The following CXXC5 variants were observed in gnomAD, a reference collection of about 807,000 sequenced individuals.
The protein encoded by CXXC5 is CXXC-type zinc finger protein 5.
CXXC5 carries 2 observed loss-of-function variants against 17.6 expected under a neutral mutation model. The ratio of observed to expected loss-of-function variants is 0.11; its 90% confidence interval spans 0.05 to 0.36. The LOEUF (loss-of-function observed/expected upper bound fraction) is 0.36, where lower values mean the gene tolerates loss of function less well. Among genes scored for constraint, CXXC5 ranks in the 10% least tolerant of loss-of-function variants. The pLI, the probability that CXXC5 is intolerant of heterozygous loss-of-function variation, is 1.00. For missense variants in CXXC5, 343 were observed against 458.3 expected (o/e 0.75, Z 2.30); for synonymous variants, 171 against 193.0 (o/e 0.89, Z 0.94).
chr5:139,667,490 G>C (rs1756173867), intron 1 of CXXC5, among the ~76,000 whole-genome samples: 1 of 152,230 alleles, frequency 6.6e-6, no homozygotes, highest in South Asian at 2.1e-4. Context: ...AGATGGGTCA[G>C]TTAAGGCCCT....
In CXXC5 at chr5:139,670,734, T is replaced by C. The variant is rs1458563816; in HGVS notation, c.-160-9630T>C. On this transcript the variant is annotated intron_variant, in intron 1 of 2. Transcript: ENST00000302517. The surrounding 1 kb of genome is among the most constrained non-coding windows in gnomAD (Gnocchi z 4.2). ...CAGACTTGGGTCGCACACACATGCC[T>C]CCACTTTACCCTCAGGGAGGTCACA... Among the ~76,000 whole-genome samples, 1 of 152,164 alleles carries C rather than the reference T, an allele frequency of 6.6e-6. No individual in the cohort carries two copies. The highest frequency in any genetic ancestry group is 1.5e-5 in the Non-Finnish European group (1 of 68,032).
intron 1 of CXXC5, among the ~76,000 whole-genome samples, chr5:139,667,233 AG>A (rs1756157886): frequency 6.6e-6 from 1 of 152,170 alleles, no homozygotes; most frequent in Non-Finnish European, 1.5e-5. Flanking sequence ...ATGGGGTCAG[AG>A]GAGAGGCATT....
chr5:139,653,181 C>T (rs1217536725), intron 1 of CXXC5, among the ~76,000 whole-genome samples: 3 of 152,218 alleles, frequency 2.0e-5, no homozygotes, highest in African/African-American at 7.2e-5. Context: ...TGCCTGCCTG[C>T]TGGGAGTTTT....
intron 1 of CXXC5, among the ~76,000 whole-genome samples, chr5:139,652,171 C>T (rs28473728): frequency 0.62 from 71,427 of 114,310 alleles, 20,173 homozygotes; most frequent in African/African-American, 0.77. Context: ...CGCGCGCGCG[C>T]GTGTGTGTGT....
At chr5:139,649,402 C>G (rs1755041146) in intron 1 of CXXC5, 1 of 152,248 alleles carries the variant, frequency 6.6e-6, no homozygotes, top group Non-Finnish European at 1.5e-5. Context: ...GCGCACTCCC[C>G]CCATCAGACC....
rs1429674458 is a variant in CXXC5 at position 139,658,971 on chromosome 5, A to G, written c.-161+10126A>G. Among the ~76,000 whole-genome samples the G allele has an allele frequency of 1.3e-5, 2 of 152,162 alleles. No homozygotes were observed. Among genetic ancestry groups the G allele is most frequent in the African/African-American group, 2.4e-5 (1 of 41,432 alleles). On this transcript the variant is annotated intron_variant, in intron 1 of 2. Coordinates refer to ENST00000302517, the MANE Select transcript of CXXC5 (RefSeq NM_016463.9). The surrounding 1 kb of genome is among the most constrained non-coding windows in gnomAD (Gnocchi z 4.1). ...GCCTCCAGAAGCCTGGGAGGGCTCA[A>G]TTGACTCCTGAGGCAGAAAGTGTGG... is the stretch of plus-strand genomic sequence containing the variant.
intron 1 of CXXC5, among the ~76,000 whole-genome samples, chr5:139,665,343 G>A (rs921440836): frequency 6.6e-6 from 1 of 152,256 alleles, no homozygotes; most frequent in Non-Finnish European, 1.5e-5. Context: ...TGGTTTAGGG[G>A]CACCGGGGTG....
rs755174634 is a variant in CXXC5 at position 139,681,331 on chromosome 5, C to T, written c.808C>T (p.Arg270Trp). ...RKRCGMCAPC[R>W]RRINCEQCSS... ...ACGCTGCGGCATGTGCGCGCCCTGC[C>T]GGCGGCGCATCAACTGCGAGCAGTG... The change falls in exon 2 of 3, where the codon CGG (arginine) becomes TGG (tryptophan). Residue 270 changes from arginine (R) to tryptophan (W), a missense_variant. Coordinates refer to ENST00000302517, the MANE Select transcript of CXXC5 (RefSeq NM_016463.9). 2 of 1,612,550 alleles carry T rather than the reference C, an allele frequency of 1.2e-6. No homozygotes were observed. The highest frequency in any genetic ancestry group is 8.5e-7 in the Non-Finnish European group (1 of 1,179,684).
Position 139,668,701 on chromosome 5 carries a change from T to C in CXXC5, c.-160-11663T>C, listed in dbSNP as rs1231310247. ...ATGCCGGGGTACCTGGCTTGGAGGC[T>C]CTCTTCAGTCTCGGGAGAGATATGC... On this transcript the variant is annotated intron_variant, in intron 1 of 2. Coordinates refer to ENST00000302517, the MANE Select transcript of CXXC5 (RefSeq NM_016463.9). This position sits in a 1 kb window ranked among gnomAD's most constrained non-coding sequence, Gnocchi z 4.1. 3.4e-4 allele frequency among the ~76,000 whole-genome samples: 52 copies of C among 151,946 alleles called. No homozygotes were observed. The highest frequency in any genetic ancestry group is 7.4e-5 in the Non-Finnish European group (5 of 67,982).
At position 139,658,967 on chromosome 5, in the gene CXXC5, C is replaced by T. The variant is rs899429819; in HGVS notation, c.-161+10122C>T. ...TAATGCCTCCAGAAGCCTGGGAGGG[C>T]TCAATTGACTCCTGAGGCAGAAAGT... is the stretch of plus-strand genomic sequence containing the variant. On this transcript the variant is annotated intron_variant, in intron 1 of 2. Transcript: ENST00000302517. This position sits in a 1 kb window ranked among gnomAD's most constrained non-coding sequence, Gnocchi z 4.1. 6.6e-6 allele frequency among the ~76,000 whole-genome samples: 1 copy of T among 152,112 alleles called. No individual in the cohort carries two copies. Among genetic ancestry groups the T allele is most frequent in the Non-Finnish European group, 1.5e-5 (1 of 68,010 alleles).
chr5:139,680,380 C>G lies in CXXC5; in HGVS notation c.-144C>G. On this transcript the variant is annotated 5_prime_UTR_variant, in exon 2 of 3. Coordinates refer to ENST00000302517, the MANE Select transcript of CXXC5 (RefSeq NM_016463.9). ...TTGTGACAGAGTGAAGACATTTCCA[C>G]CTGGACACCTGACCATGTGCCTGCC... is the stretch of plus-strand genomic sequence containing the variant. The G allele has an allele frequency of 8.2e-7, 1 of 1,218,076 alleles. No homozygotes were observed. Among genetic ancestry groups the G allele is most frequent in the Non-Finnish European group, 1.1e-6 (1 of 900,874 alleles). The allele number at this position is 1,218,076 out of a possible 1,614,324, so 75.5% of individuals were successfully genotyped here. A position where few individuals can be genotyped will look rare whatever the true frequency, so the allele number is the denominator to read the frequency against.
At chr5:139,681,483 G>C (rs772950466) in intron 2 of CXXC5, 36 bp downstream of exon 2, 1 of 1,528,406 alleles carries the variant, frequency 6.5e-7, no homozygotes, top group African/African-American at 1.4e-5. Flanking sequence ...GTGGGCTCTT[G>C]TGTCTGTCTG....
intron 1 of CXXC5, among the ~76,000 whole-genome samples, chr5:139,666,685 T>C (rs1169081066): frequency 1.3e-5 from 2 of 152,042 alleles, no homozygotes; most frequent in Non-Finnish European, 2.9e-5. Context: ...ATGCGGGAAA[T>C]GGGGATGATC....
chr5:139,674,571 C>T (rs1328854734), intron 1 of CXXC5, among the ~76,000 whole-genome samples: 2 of 152,300 alleles, frequency 1.3e-5, no homozygotes, highest in Non-Finnish European at 1.5e-5. Context: ...CAAGGAATGG[C>T]GGGGATGGTG....
chr5:139,682,908 C>T lies in CXXC5; in HGVS notation c.*1C>T, dbSNP rs780702891. On this transcript the variant is annotated 3_prime_UTR_variant, in exon 3 of 3. Transcript: ENST00000302517. ...AGCCGCCTTCCGGTGGTTTCAGTGA[C>T]GGCGGCGGAACCCAAAGCTGCCCTC... is the stretch of plus-strand genomic sequence containing the variant. The T allele has an allele frequency of 6.8e-5, 108 of 1,591,236 alleles. No homozygotes were observed. The highest frequency in any genetic ancestry group is 1.1e-4 in the Admixed American group (6 of 57,050).
In CXXC5 at chr5:139,663,949, G is replaced by A. The variant is rs1217438259; in HGVS notation, c.-161+15104G>A. On this transcript the variant is annotated intron_variant, in intron 1 of 2. Coordinates refer to ENST00000302517, the MANE Select transcript of CXXC5 (RefSeq NM_016463.9). The surrounding 1 kb of genome is among the most constrained non-coding windows in gnomAD (Gnocchi z 4.2). ...GCTGGAGGCTGCAGAGCTAGGAGAG[G>A]AATCCTGACTCCAAAGCCCCACTTG... Among the ~76,000 whole-genome samples the A allele has an allele frequency of 6.6e-6, 1 of 152,150 alleles. No homozygotes were observed. The highest frequency in any genetic ancestry group is 6.5e-5 in the Admixed American group (1 of 15,282).
At chr5:139,672,459 G>T (rs1756534644) in intron 1 of CXXC5, among the ~76,000 whole-genome samples, 2 of 152,232 alleles carry the variant, frequency 1.3e-5, no homozygotes, top group Admixed American at 1.3e-4. Context: ...ACTTAAGAGT[G>T]GAAGGGACTG....
intron 1 of CXXC5, among the ~76,000 whole-genome samples, chr5:139,665,376 G>A (rs921064303): frequency 1.3e-5 from 2 of 152,260 alleles, no homozygotes; most frequent in African/African-American, 4.8e-5. Context: ...ACCGGGATGA[G>A]CTGGGCCGGC....
chr5:139,673,455 G>C (rs1179454375), intron 1 of CXXC5, among the ~76,000 whole-genome samples: 1 of 152,168 alleles, frequency 6.6e-6, no homozygotes, highest in Non-Finnish European at 1.5e-5. Context: ...TAGAGCCCCA[G>C]GTCAGAGCTT....
Sources: gnomAD v4.1 joint callset for allele counts (sites outside exome capture counted in the v4.1 genomes callset) on GRCh38, gnomAD v4.1.1 for gene constraint, Gnocchi (gnomAD v3.1) non-coding constraint, MANE v1.5 for transcripts, NCBI Gene and HGNC (gene_info 2026-07-23, HGNC 2026-07-21) for gene names.